Variants in ZFP62 observed in about 807,000 individuals in gnomAD.
ZFP62 encodes zinc finger protein 62 homolog.
ZFP62 carries 44 observed loss-of-function variants against 56.4 expected under a neutral mutation model. The ratio of observed to expected loss-of-function variants is 0.78; its 90% confidence interval spans 0.61 to 1.00. The LOEUF (loss-of-function observed/expected upper bound fraction) is 1.00, where lower values mean the gene tolerates loss of function less well. Among genes scored for constraint, ZFP62 ranks in the 50% least tolerant of loss-of-function variants. The pLI is 0.00. For synonymous variants in ZFP62, 421 were observed against 388.9 expected (o/e 1.08, Z -0.97); for missense variants, 1,030 against 1,085.7 (o/e 0.95, Z 0.72).
At chr5:180,855,816 G>C (rs1249173488) in intron 1 of ZFP62, among the ~76,000 whole-genome samples, 1 of 152,092 alleles carries the variant, frequency 6.6e-6, no homozygotes, top group Admixed American at 6.5e-5. Flanking sequence ...GACTGCCATC[G>C]TTTCTAGACC....
chr5:180,836,034 T>C, the ZFP62 span, among the ~76,000 whole-genome samples: 7 of 152,254 alleles, frequency 4.6e-5, no homozygotes, highest in African/African-American at 1.7e-4. Flanking sequence ...CGTGTTACAG[T>C]TGCCTACAGT....
At chr5:180,835,745 G>A in the ZFP62 span, 2 of 152,190 alleles carry the variant, frequency 1.3e-5, no homozygotes, top group African/African-American at 4.8e-5. Context: ...CAACTGAGCC[G>A]ATCATTTATG....
In ZFP62 at chr5:180,850,420, G is replaced by C; in HGVS notation, c.1075C>G (p.His359Asp). Residue 359 changes from histidine to aspartate, a missense_variant, in exon 2 of 2, where the codon CAC becomes GAC. By Grantham distance (81) the His-to-Asp change is moderately conservative (BLOSUM62 -1). Transcript: ENST00000502412. ...SSLLIQHKVI[H>D]TGEKPYECDE... ...CATTCATAAGGTTTCTCTCCAGTGT[G>C]GATGACTTTATGCTGAATGAGAAGA... is the stretch of plus-strand genomic sequence containing the variant. 6.4e-7 allele frequency: 1 copy of C among 1,557,892 alleles called. No homozygotes were observed. Among genetic ancestry groups the C allele is most frequent in the Non-Finnish European group, 8.7e-7 (1 of 1,150,702 alleles).
At chr5:180,833,774 G>A in the ZFP62 span, among the ~76,000 whole-genome samples, 21 of 151,314 alleles carry the variant, frequency 1.4e-4, no homozygotes, top group South Asian at 3.1e-3. Context: ...GGGTTCAAGC[G>A]ATTCTCCTGC....
the ZFP62 span, among the ~76,000 whole-genome samples, chr5:180,828,263 C>T: frequency 6.6e-6 from 1 of 152,176 alleles, no homozygotes; most frequent in Non-Finnish European, 1.5e-5. Flanking sequence ...GGTGGTAAGG[C>T]TTCGATTACT....
At chr5:180,859,134 C>T (rs1279477886) in intron 1 of ZFP62, among the ~76,000 whole-genome samples, 1 of 152,134 alleles carries the variant, frequency 6.6e-6, no homozygotes, top group Non-Finnish European at 1.5e-5. Flanking sequence ...CTGCTCTGGC[C>T]GAAAACCCCT....
the ZFP62 span, among the ~76,000 whole-genome samples, chr5:180,827,237 G>A: frequency 2.6e-5 from 4 of 152,166 alleles, no homozygotes; most frequent in African/African-American, 9.7e-5. Flanking sequence ...CATTGCATTG[G>A]CCAGAGACTT....
At chr5:180,844,554 AAAC>A (rs1272771185), downstream of ZFP62, among the ~76,000 whole-genome samples, 3 of 152,290 alleles carry the variant, frequency 2.0e-5, no homozygotes, top group East Asian at 5.8e-4. Context: ...AACACAGGGG[AAAC>A]AAGATGTGTA....
At chr5:180,830,343 C>A in the ZFP62 span, 2 of 152,326 alleles carry the variant, frequency 1.3e-5, no homozygotes, top group African/African-American at 4.8e-5. Context: ...GTGCCTCCTC[C>A]TGCTCCTCCA....
chr5:180,841,296 TACAC>T, the ZFP62 span, among the ~76,000 whole-genome samples: 4 of 126,382 alleles, frequency 3.2e-5, no homozygotes, highest in African/African-American at 1.2e-4. Context: ...TATATATACA[TACAC>T]ATATATATAT....
rs1372298365 is a variant in ZFP62, at chr5:180,850,741, G to A, written c.754C>T (p.Pro252Ser). Residue 252 changes from proline (P) to serine (S), a missense_variant, in exon 2 of 2, where the codon CCC becomes TCC. Coordinates refer to ENST00000502412, the MANE Select transcript of ZFP62 (RefSeq NM_001172638.2). ...TTCCCACACTCACCACATTCATAGGGCTTCTCCCCAGTGTGGATCCTTTTA... is the reference window on the plus strand; with the variant it reads ...TTCCCACACTCACCACATTCATAGGACTTCTCCCCAGTGTGGATCCTTTTA... ...QHKRIHTGEK[P>S]YECGECGKAF... 1.9e-6 allele frequency: 3 copies of A among 1,607,002 alleles called. No homozygotes were observed. Among genetic ancestry groups the A allele is most frequent in the East Asian group, 4.5e-5 (2 of 44,586 alleles).
At chr5:180,845,708 A>T (rs1773397672), downstream of ZFP62, 1 of 985,202 alleles carries the variant, frequency 1.0e-6, no homozygotes, top group Admixed American at 6.2e-5. Flanking sequence ...CCAATTACTC[A>T]AGGTCTTGAT....
chr5:180,855,558 C>T (rs1400197973), intron 1 of ZFP62, among the ~76,000 whole-genome samples: 3 of 152,138 alleles, frequency 2.0e-5, no homozygotes, highest in Admixed American at 1.3e-4. Flanking sequence ...TGGCTCCCAG[C>T]ACTCCCACAC....
Position 180,848,620 on chromosome 5 carries a change from T to C in ZFP62, c.*172A>G, listed in dbSNP as rs895569688. ...TGTAAGAGCTGAACTACCTTGACAC[T>C]GGAGCCTTTCTTGCTTGCTATGATT... On this transcript the variant is annotated 3_prime_UTR_variant, in exon 2 of 2. Transcript: ENST00000502412. 2.0e-5 allele frequency: 27 copies of C among 1,366,426 alleles called. No homozygotes were observed. The highest frequency in any genetic ancestry group is 2.5e-5 in the Non-Finnish European group (27 of 1,062,524). 84.6% of individuals were successfully genotyped at this position (1,366,426 alleles called of 1,614,324 possible).
chr5:180,831,011 G>C, the ZFP62 span: 2 of 152,600 alleles, frequency 1.3e-5, no homozygotes, highest in Non-Finnish European at 2.9e-5. Context: ...TCGTGCGCCG[G>C]CTGGAGCGAA....
rs1773513538 is a variant in ZFP62, at chr5:180,848,776, TGGTAAGCTCTGCCTGCTACA to T, written c.2699_*15del. On this transcript the variant is annotated stop_lost and 3_prime_UTR_variant, in exon 2 of 2. Transcript: ENST00000502412. ...TCTTCCATTTGAGTTCGGAGAGACTTGGTAAGCTCTGCCTGCTACAGAGGCATCCTCATCCTGCCCCCATC... is the reference window on the plus strand; with the variant it reads ...TCTTCCATTTGAGTTCGGAGAGACTTGAGGCATCCTCATCCTGCCCCCATC... The T allele has an allele frequency of 6.7e-7, 1 of 1,490,662 alleles. No homozygotes were observed. Among genetic ancestry groups the T allele is most frequent in the Non-Finnish European group, 8.9e-7 (1 of 1,117,652 alleles). 92.3% of individuals were successfully genotyped at this position (1,490,662 alleles called of 1,614,324 possible).
At chr5:180,830,226 T>C in the ZFP62 span, 4 of 152,246 alleles carry the variant, frequency 2.6e-5, no homozygotes, top group Non-Finnish European at 4.4e-5. Flanking sequence ...CATTGTCTTG[T>C]TGACTCTGTT....
At position 180,851,254 on chromosome 5, in the gene ZFP62, T is replaced by A. The variant is rs192511596; in HGVS notation, c.241A>T (p.Ile81Leu). The change falls in exon 2 of 2, where the codon ATA (isoleucine) becomes TTA (leucine). Residue 81 changes from isoleucine (I) to leucine (L), a missense_variant. Physicochemically the swap from Ile to Leu is conservative, Grantham distance 5 (BLOSUM62 2). Coordinates refer to ENST00000502412, the MANE Select transcript of ZFP62 (RefSeq NM_001172638.2). ...AISKAKSTAN[I>L]KTEQEGEASE... is the part of the protein sequence containing the mutation. ...GCCTCACCTTCCTGTTCTGTCTTTA[T>A]ATTTGCTGTACTCTTGGCTTTGCTG... 2 of 1,551,680 alleles carry A rather than the reference T, an allele frequency of 1.3e-6. No individual in the cohort carries two copies. The highest frequency in any genetic ancestry group is 4.9e-5 in the East Asian group (2 of 40,926).
chr5:180,849,479 G>A lies in ZFP62; in HGVS notation c.2016C>T (p.Pro672=). 6.4e-7 allele frequency: 1 copy of A among 1,551,814 alleles called. No individual in the cohort carries two copies. The highest frequency in any genetic ancestry group is 1.2e-5 in the South Asian group (1 of 84,030). ...CTTTTCCACACACATCACATTCATA[G>A]GGCCTCTCCCCAGTATGGATTCTTT... The part of the protein sequence containing the change: ...VHKRIHTGER[P]YECDVCGKAY... The change falls in exon 2 of 2, where the codon CCC becomes CCT. Residue 672 remains proline, a synonymous_variant. Transcript: ENST00000502412.
Sources: gnomAD v4.1 joint callset for allele counts (sites outside exome capture counted in the v4.1 genomes callset) on GRCh38, gnomAD v4.1.1 for gene constraint, MANE v1.5 for transcripts, NCBI Gene and HGNC (gene_info 2026-07-23, HGNC 2026-07-21) for gene names.